Variants in NFAT5 observed in about 807,000 individuals in gnomAD.
NFAT5 encodes nuclear factor of activated T-cells 5.
In NFAT5, 31 loss-of-function variants were observed where a neutral mutation model predicts 166.5. The observed-to-expected ratio is 0.19, with a 90% confidence interval of 0.14 to 0.25. NFAT5 has a LOEUF of 0.25. Ranked by LOEUF, NFAT5 falls within the 10% of genes least tolerant of loss-of-function variation. The pLI, the probability that NFAT5 is intolerant of heterozygous loss-of-function variation, is 1.00. For missense variants in NFAT5, 1,449 were observed against 1,821.8 expected, an observed-to-expected ratio of 0.80 and a Z score of 3.72; for synonymous variants, 612 against 639.7, an observed-to-expected ratio of 0.96 and a Z score of 0.65.
At chr16:69,646,015 T>A (rs943053527) in intron 3 of NFAT5, among the ~76,000 whole-genome samples, 3 of 152,178 alleles carry the variant, frequency 2.0e-5, no homozygotes. Flanking sequence ...ATTCTGATGC[T>A]CTCCAGAGAT....
chr16:69,695,295 C>G lies in NFAT5; in HGVS notation c.4574C>G (p.Thr1525Ser). The G allele has an allele frequency of 6.2e-7, 1 of 1,614,138 alleles. No homozygotes were observed. The highest frequency in any genetic ancestry group is 8.5e-7 in the Non-Finnish European group (1 of 1,180,022). The part of the protein sequence containing the change: ...ENSPLASSIN[T>S]NQNIEKIDLL... ...TCTCCACTGGCATCCTCTATAAACACCAACCAGAACATCGAAAAGATTGAT... is the reference window on the plus strand; with the variant it reads ...TCTCCACTGGCATCCTCTATAAACAGCAACCAGAACATCGAAAAGATTGAT... The change falls in exon 14 of 15, where the codon ACC becomes AGC. Residue 1525 changes from threonine (T) to serine (S), a missense_variant. Transcript: ENST00000349945.
At chr16:69,659,601 T>C in intron 6 of NFAT5, 126 bp from the exon 7 acceptor site, 3 of 647,164 alleles carry the variant, frequency 4.6e-6, no homozygotes, top group Non-Finnish European at 7.1e-6. Context: ...CTTGGAACTT[T>C]GTAACTTTAT....
At chr16:69,594,379 T>A (rs1039263349) in intron 2 of NFAT5, among the ~76,000 whole-genome samples, 4 of 152,180 alleles carry the variant, frequency 2.6e-5, no homozygotes, top group Admixed American at 6.5e-5. Flanking sequence ...CACTAGGAGA[T>A]AGGAATTTTT....
In NFAT5 at chr16:69,692,797, A is replaced by G; in HGVS notation, c.2972A>G (p.Gln991Arg). ...GAAACTTCTACAACTACCACACAGCAGGTTGCAACCCCTGGCACTACCATG... is the reference window on the plus strand; with the variant it reads ...GAAACTTCTACAACTACCACACAGCGGGTTGCAACCCCTGGCACTACCATG... ...GNETSTTTTQQVATPGTTMFQ... is the reference protein window; with the variant it reads ...GNETSTTTTQRVATPGTTMFQ... Residue 991 changes from glutamine (Q) to arginine (R), a missense_variant, in exon 13 of 15, where the codon CAG (glutamine) becomes CGG (arginine). Physicochemically the swap from Gln to Arg is conservative, Grantham distance 43 (BLOSUM62 1). This residue lies in a region of NFAT5 where 891 missense variants were observed against 993.0 expected (regional missense o/e 0.90). Transcript: ENST00000349945. The G allele has an allele frequency of 2.5e-6, 4 of 1,614,240 alleles. No individual in the cohort carries two copies. Among genetic ancestry groups the G allele is most frequent in the Non-Finnish European group, 2.5e-6 (3 of 1,180,034 alleles).
Position 69,666,924 on chromosome 16 carries a change from G to A in NFAT5, c.1370-3053G>A, listed in dbSNP as rs1483110821. 1.6e-3 allele frequency among the ~76,000 whole-genome samples: 237 copies of A among 151,908 alleles called. 3 individuals carry two copies. Among genetic ancestry groups the A allele is most frequent in the African/African-American group, 5.5e-3 (228 of 41,418 alleles). On this transcript the variant is annotated intron_variant, in intron 7 of 14. Coordinates refer to ENST00000349945, the MANE Select transcript of NFAT5 (RefSeq NM_138713.4). ...ATAGCAAAGACTTGGAACCAACCCA[G>A]ATGTCCAACAATGATAGACTGGATT...
chr16:69,638,227 A>G (rs2035050614), intron 3 of NFAT5, among the ~76,000 whole-genome samples: 1 of 152,100 alleles, frequency 6.6e-6, no homozygotes, highest in Non-Finnish European at 1.5e-5. Flanking sequence ...TCAAAAACAA[A>G]CAAACAAGCA....
In NFAT5 at chr16:69,684,874, T is replaced by C; in HGVS notation, c.1691-13T>C. The C allele has an allele frequency of 1.3e-6, 2 of 1,543,470 alleles. No individual in the cohort carries two copies. Among genetic ancestry groups the C allele is most frequent in the Non-Finnish European group, 8.8e-7 (1 of 1,134,562 alleles). ...GTAAATGTAGATAAATACATTAATC[T>C]TTTTTTTAATAGCAGCAGCTGGTGC... On this transcript the variant is annotated splice_polypyrimidine_tract_variant and intron_variant, in intron 10 of 14. Coordinates refer to ENST00000349945, the MANE Select transcript of NFAT5 (RefSeq NM_138713.4).
chr16:69,671,143 T>G (rs991860254), intron 9 of NFAT5, among the ~76,000 whole-genome samples: 2 of 152,200 alleles, frequency 1.3e-5, no homozygotes, highest in Non-Finnish European at 2.9e-5. Context: ...AAAACATATA[T>G]CCAATATATT....
At chr16:69,670,174 C>G in intron 8 of NFAT5, 62 bp from the exon 9 acceptor site, 1 of 1,581,542 alleles carries the variant, frequency 6.3e-7, no homozygotes, top group Non-Finnish European at 8.6e-7. Context: ...TGGATATAGT[C>G]ATAGCTACAG....
chr16:69,692,808 C>G lies in NFAT5; in HGVS notation c.2983C>G (p.Pro995Ala), dbSNP rs112392728. Residue 995 changes from proline to alanine, a missense_variant, in exon 13 of 15, where the codon CCT becomes GCT. Pro to Ala is a conservative substitution (Grantham distance 27). Coordinates refer to ENST00000349945, the MANE Select transcript of NFAT5 (RefSeq NM_138713.4). The stretch of plus-strand genomic sequence containing the variant: ...AACTACCACACAGCAGGTTGCAACC[C>G]CTGGCACTACCATGTTTCAGACATC... ...STTTTQQVAT[P>A]GTTMFQTSSS... 6.2e-7 allele frequency: 1 copy of G among 1,614,164 alleles called. No individual in the cohort carries two copies.
At chr16:69,677,711 T>G (rs1225633107) in intron 10 of NFAT5, among the ~76,000 whole-genome samples, 6 of 152,146 alleles carry the variant, frequency 3.9e-5, no homozygotes, top group African/African-American at 1.4e-4. Context: ...GTTTATAGGG[T>G]ACATTTTGAG....
rs558364773 is a variant in NFAT5 at position 69,596,673 on chromosome 16, G to A, written c.127+28125G>A. On this transcript the variant is annotated intron_variant, in intron 2 of 14. Transcript: ENST00000349945. ...GCAGAGGTTGCAGTGAGCCGAGATC[G>A]CGCCATTGCACTCTAGCCTGGGCGA... Among the ~76,000 whole-genome samples, 259 of 149,666 alleles carry A rather than the reference G, an allele frequency of 1.7e-3. 2 individuals carry two copies. Among genetic ancestry groups the A allele is most frequent in the Non-Finnish European group, 1.6e-3 (107 of 67,750 alleles).
intron 2 of NFAT5, among the ~76,000 whole-genome samples, chr16:69,589,754 G>A (rs772289284): frequency 6.6e-6 from 1 of 152,054 alleles, no homozygotes; most frequent in Non-Finnish European, 1.5e-5. Context: ...TAAGAAACAG[G>A]AAGTTATTTT....
intron 11 of NFAT5, among the ~76,000 whole-genome samples, chr16:69,689,813 G>A (rs936935106): frequency 5.9e-5 from 9 of 152,188 alleles, no homozygotes; most frequent in African/African-American, 2.2e-4. Flanking sequence ...CCAAAGTGCT[G>A]GGATTGCAGG....
intron 4 of NFAT5, chr16:69,648,181 A>G: frequency 1.0e-6 from 1 of 982,796 alleles, no homozygotes; most frequent in Non-Finnish European, 1.2e-6. Context: ...CATCTCAAAA[A>G]AAAAAAAACA....
chr16:69,623,501 T>A (rs1033348995), intron 2 of NFAT5, among the ~76,000 whole-genome samples: 3 of 151,372 alleles, frequency 2.0e-5, no homozygotes, highest in Non-Finnish European at 4.4e-5. Flanking sequence ...CTAATTATTA[T>A]TATTATTATT....
At chr16:69,597,493 G>C (rs1310185549) in intron 2 of NFAT5, among the ~76,000 whole-genome samples, 1 of 152,050 alleles carries the variant, frequency 6.6e-6, no homozygotes, top group African/African-American at 2.4e-5. Context: ...TTGGCTATCA[G>C]ATTCTTTTGC....
chr16:69,694,161 G>A lies in NFAT5; in HGVS notation c.4336G>A (p.Gly1446Ser), dbSNP rs145862239. Residue 1446 changes from glycine to serine, a missense_variant, in exon 13 of 15, where the codon GGC becomes AGC. Physicochemically the swap from Gly to Ser is moderately conservative, Grantham distance 56. Around this residue, in one of 7 missense-constraint regions of NFAT5, gnomAD observed 891 missense variants for 993.0 expected, o/e 0.90. Transcript: ENST00000349945. ...TACTTTATTTCACAACACAGCAGGA[G>A]GCACAATGAACCAACTGCAGAATTC... is the stretch of plus-strand genomic sequence containing the variant. ...QATLFHNTAG[G>S]TMNQLQNSPG... The A allele has an allele frequency of 1.7e-4, 281 of 1,614,066 alleles. No individual in the cohort carries two copies. Among genetic ancestry groups the A allele is most frequent in the Middle Eastern group, 1.2e-3 (7 of 6,084 alleles).
Position 69,698,797 on chromosome 16 carries a change from C to T in NFAT5, c.*2446C>T, listed in dbSNP as rs1023031828. 6.6e-5 allele frequency: 10 copies of T among 152,444 alleles called. No individual in the cohort carries two copies. The highest frequency in any genetic ancestry group is 2.4e-4 in the African/African-American group (10 of 41,376). The allele number at this position is 152,444 out of a possible 1,614,324, so 9.4% of individuals were successfully genotyped here. A position where few individuals can be genotyped will look rare whatever the true frequency, so the allele number is the denominator to read the frequency against. On this transcript the variant is annotated 3_prime_UTR_variant, in exon 15 of 15. Coordinates refer to ENST00000349945, the MANE Select transcript of NFAT5 (RefSeq NM_138713.4). Reference sequence around the variant, plus strand: ...ATTAATTGGCTTTCTGTATTCTATGCCTTTTATTTATAAAGACACTAAGAA... The same window carrying T: ...ATTAATTGGCTTTCTGTATTCTATGTCTTTTATTTATAAAGACACTAAGAA...
Sources: allele counts gnomAD v4.1 joint callset (sites outside exome capture counted in the v4.1 genomes callset), GRCh38; gene constraint gnomAD v4.1.1; regional missense constraint gnomAD v4.1.1; transcripts MANE v1.5; gene names NCBI Gene and HGNC (gene_info 2026-07-23, HGNC 2026-07-21).